Variants in ADGRV1 observed in about 807,000 individuals in gnomAD.
ADGRV1 encodes the protein G-protein coupled receptor 98.
A neutral mutation model predicts 596.2 loss-of-function variants in ADGRV1; 359 were observed. The ratio of observed to expected loss-of-function variants is 0.60; its 90% CI spans 0.55 to 0.66. ADGRV1 has a LOEUF of 0.66. Among genes scored for constraint, ADGRV1 ranks in the 30% least tolerant of loss-of-function variants. ADGRV1 has a pLI of 0.00. For synonymous variants in ADGRV1, 2,681 were observed against 2,679.2 expected (o/e 1.00, Z -0.02); for missense variants, 7,274 against 7,575.6 (o/e 0.96, Z 1.48).
At chr5:90,854,837 C>G (rs914030029) in intron 81 of ADGRV1, among the ~76,000 whole-genome samples, 2 of 152,114 alleles carry the variant, frequency 1.3e-5, no homozygotes, top group Non-Finnish European at 2.9e-5. Context: ...GCCACACAAA[C>G]TAAAATTCTA....
In ADGRV1 at chr5:90,619,089, C is replaced by A. The variant is rs201592369; in HGVS notation, c.361C>A (p.Pro121Thr). 1 of 1,408,388 alleles carries A rather than the reference C, an allele frequency of 7.1e-7. No homozygotes were observed. The highest frequency in any genetic ancestry group is 9.5e-7 in the Non-Finnish European group (1 of 1,053,918). The allele number at this position is 1,408,388 out of a possible 1,614,324, so 87.2% of individuals were successfully genotyped here. A position where few individuals can be genotyped will look rare whatever the true frequency, so the allele number is the denominator to read the frequency against. ...TFIFHLTLQKPSANVKLGWPR... is the reference protein window; with the variant it reads ...TFIFHLTLQKTSANVKLGWPR... ...TATTTTTGGGATTTTATTTTAGAAA[C>A]CTTCAGCAAATGTGAAGCTTGGATG... Residue 121 changes from proline (P) to threonine (T), a missense_variant, in exon 4 of 90, where the codon CCT (proline) becomes ACT (threonine). Transcript: ENST00000405460.
chr5:90,877,876 C>T (rs754865045), intron 83 of ADGRV1, among the ~76,000 whole-genome samples: 9 of 151,362 alleles, frequency 5.9e-5, no homozygotes, highest in Non-Finnish European at 1.2e-4. Context: ...CATGCCCTTT[C>T]GTGAAATTCA....
chr5:90,716,552 A>G lies in ADGRV1; in HGVS notation c.9270A>G (p.Thr3090=). The change falls in exon 43 of 90, where the codon ACA becomes ACG. Residue 3090 remains threonine, a synonymous_variant. Transcript: ENST00000405460. ...AGCACTTTTTCCTAAGAGAGCCAAC[A>G]GCTCTCTACGTCCAGGAGAGTGTTG... The part of the protein sequence containing the change: ...NSEHFFLREP[T]ALYVQESVAV... 1 of 1,612,676 alleles carries G rather than the reference A, an allele frequency of 6.2e-7. No homozygotes were observed. Among genetic ancestry groups the G allele is most frequent in the Admixed American group, 1.7e-5 (1 of 60,016 alleles).
chr5:90,783,256 G>C lies in ADGRV1; in HGVS notation c.13364G>C (p.Ser4455Thr), dbSNP rs727503081. The C allele has an allele frequency of 8.7e-6, 14 of 1,613,430 alleles. No homozygotes were observed. The highest frequency in any genetic ancestry group is 3.3e-5 in the Admixed American group (2 of 59,976). ...GGTGTTGATTACATTTTGCATGGCA[G>C]TACAGTCACCTTTCAGCATGGGCAA... ...PGGVDYILHG[S>T]TVTFQHGQNL... is the part of the protein sequence containing the mutation. The change falls in exon 66 of 90, where the codon AGT becomes ACT. Residue 4455 changes from serine to threonine, a missense_variant. By Grantham distance (58) the Ser-to-Thr change is moderately conservative. This residue lies in a region of ADGRV1 where 3,643 missense variants were observed against 3,809.2 expected (regional missense o/e 0.96). Transcript: ENST00000405460.
At chr5:90,865,245 G>A (rs1767979356) in intron 83 of ADGRV1, among the ~76,000 whole-genome samples, 1 of 152,110 alleles carries the variant, frequency 6.6e-6, no homozygotes, top group Non-Finnish European at 1.5e-5. Flanking sequence ...ACCTGCCTTA[G>A]CTGTCTGATC....
chr5:90,640,121 G>C (rs1364320804), intron 11 of ADGRV1, among the ~76,000 whole-genome samples: 1 of 151,998 alleles, frequency 6.6e-6, no homozygotes. Context: ...TGGTGTATGT[G>C]GTATATAACC....
chr5:90,576,346 G>T (rs1757209938), intron 1 of ADGRV1, among the ~76,000 whole-genome samples: 1 of 149,720 alleles, frequency 6.7e-6, no homozygotes, highest in African/African-American at 2.5e-5. Flanking sequence ...TCCCACCTAT[G>T]AGTGAGAACA....
chr5:90,635,152 C>T lies in ADGRV1; in HGVS notation c.1878C>T (p.Ile626=), dbSNP rs768785500. 1.9e-6 allele frequency: 3 copies of T among 1,607,544 alleles called. No homozygotes were observed. The East Asian group carries it at 6.7e-5, about 36-fold the overall frequency. Residue 626 remains isoleucine (I), a synonymous_variant, in exon 10 of 90, where the codon ATC becomes ATT. Transcript: ENST00000405460. The part of the protein sequence containing the change: ...TVELLNIIPL[I]PPISPRFGEI... ...AGTTGTTAAACATAATTCCTCTAATCCCACCCATAAGCCCTAGATTTGGGG... is the reference window on the plus strand; with the variant it reads ...AGTTGTTAAACATAATTCCTCTAATTCCACCCATAAGCCCTAGATTTGGGG...
chr5:90,960,500 GT>G (rs1777916593), intron 83 of ADGRV1, among the ~76,000 whole-genome samples: 1 of 152,076 alleles, frequency 6.6e-6, no homozygotes, highest in Non-Finnish European at 1.5e-5. Flanking sequence ...GAACTTGACA[GT>G]TTTCGAAGAC....
At chr5:90,942,581 C>T (rs1776250181) in intron 83 of ADGRV1, among the ~76,000 whole-genome samples, 1 of 152,058 alleles carries the variant, frequency 6.6e-6, no homozygotes, top group Admixed American at 6.6e-5. Context: ...AACCCAAATG[C>T]CTTCTGGGGC....
At chr5:90,705,937 C>G (rs933941024) in intron 37 of ADGRV1, among the ~76,000 whole-genome samples, 1 of 152,032 alleles carries the variant, frequency 6.6e-6, no homozygotes, top group Non-Finnish European at 1.5e-5. Context: ...TGTGTAAGGC[C>G]CCCTGAGGTC....
At position 90,791,364 on chromosome 5, in the gene ADGRV1, A is replaced by G. The variant is rs75316546; in HGVS notation, c.14517+18A>G. The G allele has an allele frequency of 2.0e-3, 3,083 of 1,510,864 alleles. 60 individuals are homozygous for G. In the African/African-American group the frequency reaches 0.037, roughly 18 times the overall value. The allele number at this position is 1,510,864 out of a possible 1,614,324, so 93.6% of individuals were successfully genotyped here. A position where few individuals can be genotyped will look rare whatever the true frequency, so the allele number is the denominator to read the frequency against. ...AGAATCAGGTTTGTGGCATTTCTTC[A>G]GTTTCCTGATCATTCCAATAAAACC... On this transcript the variant is annotated intron_variant, in intron 70 of 89. Transcript: ENST00000405460.
chr5:91,090,233 A>T (rs1230547373), intron 86 of ADGRV1, among the ~76,000 whole-genome samples: 2 of 152,204 alleles, frequency 1.3e-5, no homozygotes, highest in African/African-American at 2.4e-5. Context: ...GCAAAATATT[A>T]TCTGGCACTT....
At chr5:90,880,589 A>G (rs1423821958) in intron 83 of ADGRV1, among the ~76,000 whole-genome samples, 1 of 152,238 alleles carries the variant, frequency 6.6e-6, no homozygotes, top group Admixed American at 6.5e-5. Context: ...AGATCAGCCT[A>G]TGGGAGGTCA....
intron 83 of ADGRV1, among the ~76,000 whole-genome samples, chr5:90,879,728 C>T (rs1769576151): frequency 6.6e-6 from 1 of 152,052 alleles, no homozygotes; most frequent in Non-Finnish European, 1.5e-5. Flanking sequence ...AGGCAAATCG[C>T]TTGAGGTCAG....
chr5:90,881,097 G>A (rs1311972049), intron 83 of ADGRV1, among the ~76,000 whole-genome samples: 1 of 152,128 alleles, frequency 6.6e-6, no homozygotes, highest in Non-Finnish European at 1.5e-5. Flanking sequence ...GATCATGAGG[G>A]TAAACACCAA....
rs79980809 is a variant in ADGRV1, at chr5:91,025,039, C to CTA, written c.18152+39520_18152+39521dup. The stretch of plus-strand genomic sequence containing the variant: ...TCTTTAGACTAGGAAAGTTGATTAC[C>CTA]TATAGCAAGCTTCTCTGACCAACAC... On this transcript the variant is annotated intron_variant, in intron 85 of 89. Transcript: ENST00000405460. Among the ~76,000 whole-genome samples the CTA allele has an allele frequency of 8.2e-4, 125 of 152,204 alleles. 2 individuals are homozygous for CTA. In the East Asian group the frequency reaches 0.021, roughly 25 times the overall value.
At chr5:90,606,134 G>C (rs1762083664) in intron 1 of ADGRV1, among the ~76,000 whole-genome samples, 1 of 152,116 alleles carries the variant, frequency 6.6e-6, no homozygotes, top group African/African-American at 2.4e-5. Context: ...TTCAAGCTTG[G>C]GATACCTTTT....
chr5:90,797,314 A>T (rs931739739), intron 70 of ADGRV1, among the ~76,000 whole-genome samples: 15 of 147,380 alleles, frequency 1.0e-4, no homozygotes, highest in Non-Finnish European at 1.9e-4. Flanking sequence ...AAAAAAAAGC[A>T]GGAGTTGCAA....
Sources: gnomAD v4.1 joint callset for allele counts (sites outside exome capture counted in the v4.1 genomes callset) on GRCh38, gnomAD v4.1.1 for gene constraint, gnomAD v4.1.1 regional missense constraint, MANE v1.5 for transcripts, NCBI Gene and HGNC (gene_info 2026-07-23, HGNC 2026-07-21) for gene names.